The following PARN variants were observed in gnomAD, a reference collection of about 807,000 sequenced individuals.
PARN encodes poly(A)-specific ribonuclease, also known as poly(A)-specific ribonuclease PARN.
Under a neutral mutation model 102.8 loss-of-function variants are expected in PARN, and 71 were observed. The observed-to-expected ratio is 0.69, with a 90% CI of 0.57 to 0.84. The LOEUF (loss-of-function observed/expected upper bound fraction) is 0.84. Among genes scored for constraint, PARN ranks in the 40% least tolerant of loss-of-function variants. The probability of loss-of-function intolerance (pLI) is 0.00; values close to 1 mark genes in which losing one functional copy is unlikely to be tolerated. For missense variants in PARN, 782 were observed against 760.9 expected, an observed-to-expected ratio of 1.03 and a Z score of -0.33; for synonymous variants, 261 against 252.9, an observed-to-expected ratio of 1.03 and a Z score of -0.30.
chr16:14,548,324 TA>T (rs1484940136), intron 21 of PARN, among the ~76,000 whole-genome samples: 1 of 152,058 alleles, frequency 6.6e-6, no homozygotes, highest in African/African-American at 2.4e-5. Flanking sequence ...ATCACCATTA[TA>T]AAGAACAAAT....
chr16:14,445,929 G>C lies in PARN; in HGVS notation c.1864+959C>G, dbSNP rs182716651. On this transcript the variant is annotated intron_variant, in intron 23 of 23. Coordinates refer to ENST00000437198, the MANE Select transcript of PARN (RefSeq NM_002582.4). ...CTTTGGGCAACTCACATAACCCTTT[G>C]GGCCTCCGTTTTCTTAACTGTAAAA... 4.2e-4 allele frequency among the ~76,000 whole-genome samples: 64 copies of C among 152,254 alleles called. No homozygotes were observed. In the East Asian group the frequency reaches 0.011, roughly 27 times the overall value.
rs780972950 is a variant in PARN, at chr16:14,629,680, G to A, written c.20-6C>T. On this transcript the variant is annotated splice_polypyrimidine_tract_variant and splice_region_variant and intron_variant, in intron 1 of 23. Transcript: ENST00000437198. ...GTGAAGATTACTCTTAAAATCTGCG[G>A]AGAAACCGAAAAGAGGCTCAGAACC... The A allele has an allele frequency of 1.2e-6, 2 of 1,608,678 alleles. No homozygotes were observed. Among genetic ancestry groups the A allele is most frequent in the African/African-American group, 1.3e-5 (1 of 74,850 alleles).
intron 5 of PARN, among the ~76,000 whole-genome samples, chr16:14,618,082 G>A (rs1023874746): frequency 2.0e-5 from 3 of 152,202 alleles, no homozygotes; most frequent in Non-Finnish European, 4.4e-5. Context: ...AGCACTTTGG[G>A]AGGCAGAGGT....
chr16:14,609,197 A>G (rs1478897028), intron 7 of PARN, 74 bp from the exon 8 acceptor site: 2 of 705,032 alleles, frequency 2.8e-6, no homozygotes, highest in African/African-American at 3.7e-5. Flanking sequence ...AATAATCACA[A>G]CCAAAAACAG....
At chr16:14,594,586 G>GATGCCTGTAATCTCAGC (rs1555505008) in intron 12 of PARN, among the ~76,000 whole-genome samples, 4 of 152,194 alleles carry the variant, frequency 2.6e-5, no homozygotes, top group African/African-American at 9.6e-5. Flanking sequence ...TGTGGTGGCA[G>GATGCCTGTAATCTCAGC]ATGCCTGTAA....
chr16:14,529,854 G>C (rs2151666605), intron 21 of PARN, among the ~76,000 whole-genome samples: 1 of 152,210 alleles, frequency 6.6e-6, no homozygotes, highest in South Asian at 2.1e-4. Context: ...TTGAGTGTGA[G>C]GTCCAAATGG....
rs1307066336 is a variant in PARN at position 14,580,913 on chromosome 16, A to C, written c.1223T>G (p.Val408Gly). 1 of 1,610,588 alleles carries C rather than the reference A, an allele frequency of 6.2e-7. No homozygotes were observed. ...GSFLSPPKIH[V>G]SARSKLIEPF... ...TTCAATGAGTTTTGATCTGGCAGACACATGAATTTTTGGAGGGCTGAGAAA... is the reference window on the plus strand; with the variant it reads ...TTCAATGAGTTTTGATCTGGCAGACCCATGAATTTTTGGAGGGCTGAGAAA... Residue 408 changes from valine (V) to glycine (G), a missense_variant, in exon 18 of 24, where the codon GTG becomes GGG. Physicochemically the swap from Val to Gly is moderately radical, Grantham distance 109. Transcript: ENST00000437198.
intron 2 of PARN, among the ~76,000 whole-genome samples, chr16:14,629,124 G>T (rs565436545): frequency 6.6e-6 from 1 of 152,322 alleles, no homozygotes; most frequent in South Asian, 2.1e-4. Context: ...AAGGCTGGGC[G>T]AAAGGAGAAA....
chr16:14,588,079 G>A (rs1047092225), intron 13 of PARN, among the ~76,000 whole-genome samples: 1 of 152,194 alleles, frequency 6.6e-6, no homozygotes, highest in Non-Finnish European at 1.5e-5. Flanking sequence ...TGTGGGAGTT[G>A]AGAGAAAGGA....
At chr16:14,567,013 G>A (rs938096456) in intron 18 of PARN, among the ~76,000 whole-genome samples, 2 of 152,192 alleles carry the variant, frequency 1.3e-5, no homozygotes, top group African/African-American at 4.8e-5. Context: ...CAGACTCAAG[G>A]CTTCACAGTA....
At chr16:14,586,279 CT>C in intron 14 of PARN, 38 bp downstream of exon 14, 1 of 1,410,696 alleles carries the variant, frequency 7.1e-7, no homozygotes, top group Non-Finnish European at 9.8e-7. Flanking sequence ...GCCCAGCCAA[CT>C]TTTTTAAAAG....
chr16:14,554,761 G>GA (rs536146599), intron 19 of PARN, among the ~76,000 whole-genome samples: 1,562 of 140,936 alleles, frequency 0.011, 28 homozygotes, highest in African/African-American at 0.038. Context: ...TTATTTAGAA[G>GA]AAAAAAAAAA....
chr16:14,534,117 G>C (rs1210422102), intron 21 of PARN, among the ~76,000 whole-genome samples: 1 of 151,878 alleles, frequency 6.6e-6, no homozygotes, highest in Non-Finnish European at 1.5e-5. Flanking sequence ...TACTCAGAAG[G>C]CTGAGGTGGG....
chr16:14,525,429 T>G (rs984445962), intron 21 of PARN, among the ~76,000 whole-genome samples: 1 of 152,066 alleles, frequency 6.6e-6, no homozygotes, highest in Non-Finnish European at 1.5e-5. Context: ...GGAACCCAAT[T>G]ATTCCCAGAC....
At chr16:14,513,301 T>C (rs940216056) in intron 21 of PARN, among the ~76,000 whole-genome samples, 3 of 152,240 alleles carry the variant, frequency 2.0e-5, no homozygotes, top group Non-Finnish European at 2.9e-5. Context: ...AAACTGCTCA[T>C]ATATAATACA....
intron 21 of PARN, among the ~76,000 whole-genome samples, chr16:14,549,609 C>G (rs1191436172): frequency 2.0e-5 from 3 of 152,214 alleles, no homozygotes; most frequent in Non-Finnish European, 4.4e-5. Flanking sequence ...GGTGGTATAA[C>G]AGGAATTTTA....
At chr16:14,446,062 C>T (rs1205226090) in intron 23 of PARN, among the ~76,000 whole-genome samples, 4 of 152,270 alleles carry the variant, frequency 2.6e-5, no homozygotes, top group Admixed American at 6.5e-5. Context: ...GCTATGATTA[C>T]TGTCACTGTG....
intron 21 of PARN, among the ~76,000 whole-genome samples, chr16:14,496,177 G>C (rs148514562): frequency 2.0e-5 from 3 of 152,374 alleles, no homozygotes; most frequent in African/African-American, 4.8e-5. Context: ...TCTGACAGCA[G>C]GGCTGGGGTG....
intron 21 of PARN, among the ~76,000 whole-genome samples, chr16:14,512,816 T>C (rs1486957195): frequency 1.3e-5 from 2 of 152,210 alleles, no homozygotes; most frequent in Non-Finnish European, 2.9e-5. Context: ...AAATCAGCAA[T>C]AAAAGCAAGC....
Sources: allele counts gnomAD v4.1 joint callset (sites outside exome capture counted in the v4.1 genomes callset), GRCh38; gene constraint gnomAD v4.1.1; transcripts MANE v1.5; gene names NCBI Gene and HGNC (gene_info 2026-07-23, HGNC 2026-07-21).